The following THSD4 variants were observed in gnomAD, a reference collection of about 807,000 sequenced individuals.
The protein encoded by THSD4 is thrombospondin type 1 domain containing 4.
THSD4 carries 69 observed loss-of-function variants against 119.0 expected under a neutral mutation model. The ratio of observed to expected loss-of-function variants is 0.58; its 90% CI spans 0.48 to 0.71. The LOEUF is 0.71. THSD4 is among the 30% of genes least tolerant of loss of function. THSD4 has a pLI of 0.00. For missense variants in THSD4, 1,393 were observed against 1,391.1 expected, an observed-to-expected ratio of 1.00 and a Z score of -0.02; for synonymous variants, 524 against 540.4, an observed-to-expected ratio of 0.97 and a Z score of 0.42.
intron 7 of THSD4, among the ~76,000 whole-genome samples, chr15:71,506,272 A>G (rs536530060): frequency 1.3e-5 from 2 of 152,216 alleles, no homozygotes; most frequent in Admixed American, 1.3e-4. Context: ...TCTGTAATTT[A>G]GGTTGTGCAC....
At chr15:71,237,343 G>A (rs2044113847) in intron 4 of THSD4, among the ~76,000 whole-genome samples, 1 of 152,138 alleles carries the variant, frequency 6.6e-6, no homozygotes, top group South Asian at 2.1e-4. Flanking sequence ...TTTTGCAGGT[G>A]GGGCTTCACA....
chr15:71,750,806 G>A (rs1483007645), intron 14 of THSD4, among the ~76,000 whole-genome samples: 2 of 152,192 alleles, frequency 1.3e-5, no homozygotes, highest in Non-Finnish European at 2.9e-5. Context: ...GTCCAGGAGA[G>A]CTCATCCTAG....
rs773648837 is a variant in THSD4 at position 71,589,687 on chromosome 15, T to G, written c.1153-70843T>G. Among the ~76,000 whole-genome samples, 18 of 139,630 alleles carry G rather than the reference T, an allele frequency of 1.3e-4. 6 individuals are homozygous for G. Among genetic ancestry groups the G allele is most frequent in the Admixed American group, 2.9e-4 (4 of 13,824 alleles). 91.6% of individuals were successfully genotyped at this position (139,630 alleles called of 152,430 possible). A position where few individuals can be genotyped will look rare whatever the true frequency, so the allele number is the denominator to read the frequency against. On this transcript the variant is annotated intron_variant, in intron 7 of 17. Transcript: ENST00000261862. ...ATGTATTTCTTACTGTTGGTTTCAGTAAAAAGTTTGAAAAATACTACCCAG... is the reference window on the plus strand; with the variant it reads ...ATGTATTTCTTACTGTTGGTTTCAGGAAAAAGTTTGAAAAATACTACCCAG...
intron 1 of THSD4, among the ~76,000 whole-genome samples, chr15:71,133,692 T>C: frequency 6.6e-6 from 1 of 152,230 alleles, no homozygotes; most frequent in East Asian, 1.9e-4. Flanking sequence ...CAGTATCATG[T>C]CATCTGAAAT....
At chr15:71,512,106 C>T (rs2048291975) in intron 7 of THSD4, among the ~76,000 whole-genome samples, 1 of 152,146 alleles carries the variant, frequency 6.6e-6, no homozygotes, top group African/African-American at 2.4e-5. Flanking sequence ...GCTAAGAAAT[C>T]AGGGGGTAAC....
chr15:71,459,356 C>CTCTCTCTCTCTCTCTCTG (rs1555416101), intron 7 of THSD4, among the ~76,000 whole-genome samples: 2 of 140,358 alleles, frequency 1.4e-5, no homozygotes, highest in African/African-American at 5.2e-5. Context: ...GTCTCTCTCT[C>CTCTCTCTCTCTCTCTCTG]TCTCTCTGTC....
chr15:71,720,338 A>C (rs1038053650), intron 8 of THSD4, among the ~76,000 whole-genome samples: 2 of 152,228 alleles, frequency 1.3e-5, no homozygotes, highest in Admixed American at 1.3e-4. Flanking sequence ...GGCATGAGCC[A>C]CTGTGCCCAG....
chr15:71,753,773 C>T (rs374125807), intron 14 of THSD4, among the ~76,000 whole-genome samples: 77 of 152,280 alleles, frequency 5.1e-4, no homozygotes, highest in Non-Finnish European at 8.7e-4. Context: ...TGGACCAGGT[C>T]GTGAGTGGGG....
In THSD4 at chr15:71,317,768, A is replaced by G. The variant is rs937008361; in HGVS notation, c.1015+61053A>G. ...TGGTCTGGCTTCAAATCCTGGATCT[A>G]TCACTTAGTATTGACATTTGACAAA... On this transcript the variant is annotated intron_variant, in intron 6 of 17. Coordinates refer to ENST00000261862, the MANE Select transcript of THSD4 (RefSeq NM_024817.3). 3.3e-5 allele frequency among the ~76,000 whole-genome samples: 5 copies of G among 152,226 alleles called. No individual in the cohort carries two copies. The East Asian group carries it at 5.8e-4, about 18-fold the overall frequency.
At chr15:71,734,784 G>T (rs1247033271) in intron 10 of THSD4, among the ~76,000 whole-genome samples, 1 of 146,370 alleles carries the variant, frequency 6.8e-6, no homozygotes, top group African/African-American at 2.5e-5. Flanking sequence ...ACTCACTTTT[G>T]CTGTGAACCT....
At chr15:71,108,695 A>G (rs995507735) in intron 1 of THSD4, among the ~76,000 whole-genome samples, 6 of 152,182 alleles carry the variant, frequency 3.9e-5, no homozygotes, top group Non-Finnish European at 7.3e-5. Flanking sequence ...TTTTAATCTG[A>G]ATAAGAGAAA....
rs570236314 is a variant in THSD4, at chr15:71,451,182, A to G, written c.1152+39359A>G. Reference sequence around the variant, plus strand: ...AACAGAGCAAGACTCCCTCTCAAAGAAAAAAAAGGGAGGCTTCTAGGGGTG... The same window carrying G: ...AACAGAGCAAGACTCCCTCTCAAAGGAAAAAAAGGGAGGCTTCTAGGGGTG... On this transcript the variant is annotated intron_variant, in intron 7 of 17. Transcript: ENST00000261862. Among the ~76,000 whole-genome samples the G allele has an allele frequency of 9.2e-5, 14 of 152,142 alleles. No individual in the cohort carries two copies. In the South Asian group the frequency reaches 1.5e-3, roughly 16 times the overall value.
intron 8 of THSD4, among the ~76,000 whole-genome samples, chr15:71,707,015 G>A (rs1489611130): frequency 1.3e-5 from 2 of 152,152 alleles, no homozygotes; most frequent in Non-Finnish European, 2.9e-5. Flanking sequence ...TCCTGAAGGA[G>A]GCAGGAGGGG....
At chr15:71,579,676 C>T (rs553284751) in intron 7 of THSD4, among the ~76,000 whole-genome samples, 6 of 152,288 alleles carry the variant, frequency 3.9e-5, no homozygotes, top group African/African-American at 1.4e-4. Flanking sequence ...ATGTATCTCT[C>T]CTCTGCCCTC....
intron 10 of THSD4, chr15:71,732,016 C>G (rs1214222085): frequency 6.6e-6 from 1 of 152,282 alleles, no homozygotes; most frequent in African/African-American, 2.4e-5. Context: ...TTTCAAATCT[C>G]TCTCTGACCC....
chr15:71,470,632 ATT>A (rs1179703976), intron 7 of THSD4, among the ~76,000 whole-genome samples: 2 of 145,958 alleles, frequency 1.4e-5, no homozygotes, highest in Admixed American at 6.8e-5. Flanking sequence ...GGATTTTATT[ATT>A]TTTTTTTTTT....
chr15:71,382,290 C>A (rs1381538322), intron 6 of THSD4, among the ~76,000 whole-genome samples: 1 of 152,102 alleles, frequency 6.6e-6, no homozygotes, highest in Non-Finnish European at 1.5e-5. Flanking sequence ...AAACCTTTCA[C>A]GATTTCCTAT....
intron 3 of THSD4, among the ~76,000 whole-genome samples, chr15:71,209,316 T>G (rs1464951507): frequency 2.0e-5 from 3 of 152,222 alleles, no homozygotes; most frequent in African/African-American, 7.2e-5. Flanking sequence ...TCACATATAT[T>G]TTTAAAGCCC....
At chr15:71,311,569 A>G (rs1007562178) in intron 6 of THSD4, among the ~76,000 whole-genome samples, 1 of 152,046 alleles carries the variant, frequency 6.6e-6, no homozygotes, top group African/African-American at 2.4e-5. Flanking sequence ...TTGCTGCTTC[A>G]CTTTCTAACT....
Sources: gnomAD v4.1 joint callset for allele counts (sites outside exome capture counted in the v4.1 genomes callset) on GRCh38, gnomAD v4.1.1 for gene constraint, MANE v1.5 for transcripts, NCBI Gene and HGNC (gene_info 2026-07-23, HGNC 2026-07-21) for gene names.